TSKU: variants seen among roughly 807,000 people sequenced by gnomAD.
The protein encoded by TSKU is tsukushi.
TSKU carries 4 observed loss-of-function variants against 11.2 expected under a neutral mutation model. The observed-to-expected ratio is 0.36, with a 90% confidence interval of 0.18 to 0.82. TSKU has a LOEUF of 0.82. Ranked by LOEUF, TSKU falls within the 40% of genes least tolerant of loss-of-function variation. The pLI, the probability that TSKU is intolerant of heterozygous loss-of-function variation, is 0.50. For missense variants in TSKU, 407 were observed against 482.5 expected, an observed-to-expected ratio of 0.84 and a Z score of 1.47; for synonymous variants, 220 against 232.2, an observed-to-expected ratio of 0.95 and a Z score of 0.48.
At chr11:76,784,746 T>TC (rs1257420446) in intron 1 of TSKU, among the ~76,000 whole-genome samples, 2 of 41,810 alleles carry the variant, frequency 4.8e-5, no homozygotes, top group East Asian at 3.6e-4. Flanking sequence ...TGACCGGAGG[T>TC]GGGGGGGGGG....
upstream of TSKU, chr11:76,782,378 G>A (rs1433332774): frequency 6.6e-6 from 1 of 151,866 alleles, no homozygotes; most frequent in Non-Finnish European, 1.5e-5. Flanking sequence ...GAGGTCCAGG[G>A]CCCAAGACCA....
chr11:76,787,218 T>TG (rs1229421466), intron 1 of TSKU, among the ~76,000 whole-genome samples: 1 of 152,134 alleles, frequency 6.6e-6, no homozygotes, highest in Non-Finnish European at 1.5e-5. Context: ...ACAAAACCCT[T>TG]GCCCTCTGCC....
At chr11:76,795,518 C>T (rs1393430836) in intron 1 of TSKU, 91 bp from the exon 2 acceptor site, 5 of 1,475,252 alleles carry the variant, frequency 3.4e-6, no homozygotes, top group Non-Finnish European at 4.6e-6. Context: ...TCTGTGACAC[C>T]TTCCAACAGT....
chr11:76,794,650 G>A (rs1456667036), intron 1 of TSKU, among the ~76,000 whole-genome samples: 2 of 152,236 alleles, frequency 1.3e-5, no homozygotes, highest in African/African-American at 4.8e-5. Context: ...AAGAACCAAA[G>A]AGGTGTAGTA....
chr11:76,794,019 C>T (rs1225835097), intron 1 of TSKU, among the ~76,000 whole-genome samples: 1 of 152,122 alleles, frequency 6.6e-6, no homozygotes, highest in Non-Finnish European at 1.5e-5. Flanking sequence ...TCACCTCCTT[C>T]CTGAAGTCCA....
Position 76,783,748 on chromosome 11 carries a change from G to A in TSKU, c.-9+344G>A, listed in dbSNP as rs528772259. On this transcript the variant is annotated intron_variant, in intron 1 of 1. Transcript: ENST00000333090. ...CTTTGTGTGTCCGTGGCTTTGCGCG[G>A]CTGCTTTGCGCCCGTGTCCACGTTT... 1.7e-3 allele frequency among the ~76,000 whole-genome samples: 253 copies of A among 152,330 alleles called. 1 individual carries two copies. The highest frequency in any genetic ancestry group is 5.7e-3 in the African/African-American group (236 of 41,584).
In TSKU at chr11:76,796,595, C is replaced by A; in HGVS notation, c.979C>A (p.Arg327=). 6.6e-7 allele frequency: 1 copy of A among 1,522,006 alleles called. No homozygotes were observed. Among genetic ancestry groups the A allele is most frequent in the African/African-American group, 1.4e-5 (1 of 72,216 alleles). The allele number at this position is 1,522,006 out of a possible 1,614,324, so 94.3% of individuals were successfully genotyped here. A position where few individuals can be genotyped will look rare whatever the true frequency, so the allele number is the denominator to read the frequency against. Residue 327 remains arginine (R), a synonymous_variant, in exon 2 of 2, where the codon CGG becomes AGG. Transcript: ENST00000333090. This position sits in a 1 kb window ranked among gnomAD's most constrained non-coding sequence, Gnocchi z 4.1. The part of the protein sequence containing the change: ...RRLVREGTYP[R]RPGSSPKVAL... ...CCTGGTGCGGGAGGGCACCTACCCC[C>A]GGAGGCCTGGCTCCAGCCCCAAGGT... is the stretch of plus-strand genomic sequence containing the variant.
upstream of TSKU, chr11:76,782,720 ACTTT>A (rs1289988608): frequency 6.6e-6 from 1 of 151,494 alleles, no homozygotes; most frequent in Non-Finnish European, 1.5e-5. Flanking sequence ...CAATCTGTTG[ACTTT>A]CTCTCTCCTC....
intron 1 of TSKU, among the ~76,000 whole-genome samples, chr11:76,790,513 A>G (rs1837679): frequency 0.26 from 39,936 of 151,664 alleles, 5,792 homozygotes; most frequent in African/African-American, 0.37. Context: ...GACTTCTGAT[A>G]TGGTTTGGCT....
chr11:76,794,101 G>T (rs1387189288), intron 1 of TSKU, among the ~76,000 whole-genome samples: 2 of 152,200 alleles, frequency 1.3e-5, no homozygotes, highest in African/African-American at 4.8e-5. Context: ...CTAGAAGGAA[G>T]CTTAGTGCCT....
chr11:76,796,972 T>C lies in TSKU; in HGVS notation c.*294T>C. On this transcript the variant is annotated 3_prime_UTR_variant, in exon 2 of 2. Coordinates refer to ENST00000333090, the MANE Select transcript of TSKU (RefSeq NM_015516.4). This position sits in a 1 kb window ranked among gnomAD's most constrained non-coding sequence, Gnocchi z 4.1. Reference sequence around the variant, plus strand: ...TTCCCCACTTATCCCCCAAGTGCCTTCCCTCATGCCTGGGCCGGCCTGACC... The same window carrying C: ...TTCCCCACTTATCCCCCAAGTGCCTCCCCTCATGCCTGGGCCGGCCTGACC... 3 of 231,212 alleles carry C rather than the reference T, an allele frequency of 1.3e-5. No homozygotes were observed. Among genetic ancestry groups the C allele is most frequent in the Non-Finnish European group, 2.7e-5 (3 of 110,292 alleles). 14.3% of individuals were successfully genotyped at this position (231,212 alleles called of 1,614,324 possible).
intron 1 of TSKU, among the ~76,000 whole-genome samples, chr11:76,794,592 A>G (rs572558766): frequency 6.6e-6 from 1 of 152,172 alleles, no homozygotes; most frequent in Non-Finnish European, 1.5e-5. Flanking sequence ...CTGTTTCTTC[A>G]TCTGTATAAT....
At chr11:76,785,580 T>C (rs1436200078) in intron 1 of TSKU, among the ~76,000 whole-genome samples, 1 of 152,176 alleles carries the variant, frequency 6.6e-6, no homozygotes, top group Admixed American at 6.5e-5. Flanking sequence ...GTGGTCAGCA[T>C]GGTGGACCAG....
At chr11:76,783,709 G>A (rs2134380089) in intron 1 of TSKU, among the ~76,000 whole-genome samples, 1 of 152,328 alleles carries the variant, frequency 6.6e-6, no homozygotes, top group South Asian at 2.1e-4. Flanking sequence ...TCGGGGACGC[G>A]CCGCTGTCGG....
chr11:76,791,826 C>G (rs188807575), intron 1 of TSKU: 1 of 152,344 alleles, frequency 6.6e-6, no homozygotes, highest in Non-Finnish European at 1.5e-5. Flanking sequence ...CACCTGGATG[C>G]CCAGGCAAAA....
Position 76,796,250 on chromosome 11 carries a change from C to G in TSKU, c.634C>G (p.Leu212Val). 1 of 1,613,556 alleles carries G rather than the reference C, an allele frequency of 6.2e-7. No homozygotes were observed. The highest frequency in any genetic ancestry group is 2.2e-5 in the East Asian group (1 of 44,852). Residue 212 changes from leucine (L) to valine (V), a missense_variant, in exon 2 of 2, where the codon CTG (leucine) becomes GTG (valine). By Grantham distance (32) the Leu-to-Val change is conservative. Coordinates refer to ENST00000333090, the MANE Select transcript of TSKU (RefSeq NM_015516.4). The surrounding 1 kb of genome is among the most constrained non-coding windows in gnomAD (Gnocchi z 4.1). ...LRDLPLRYLSLDGNPLAVIGP... is the reference protein window; with the variant it reads ...LRDLPLRYLSVDGNPLAVIGP... ...AGACTTGCCCCTGCGCTACCTGAGCCTGGATGGGAACCCTCTAGCTGTCAT... is the reference window on the plus strand; with the variant it reads ...AGACTTGCCCCTGCGCTACCTGAGCGTGGATGGGAACCCTCTAGCTGTCAT...
At chr11:76,791,182 A>G (rs1381055864) in intron 1 of TSKU, among the ~76,000 whole-genome samples, 2 of 152,254 alleles carry the variant, frequency 1.3e-5, no homozygotes, top group African/African-American at 4.8e-5. Context: ...TAAGCAGGAA[A>G]GCATTCAAGA....
rs765866060 is a variant in TSKU at position 76,796,564 on chromosome 11, C to T, written c.948C>T (p.Cys316=). 8.2e-6 allele frequency: 13 copies of T among 1,583,634 alleles called. No individual in the cohort carries two copies. Among genetic ancestry groups the T allele is most frequent in the East Asian group, 2.3e-5 (1 of 44,034 alleles). Residue 316 remains cysteine, a synonymous_variant, in exon 2 of 2, where the codon TGC becomes TGT. Coordinates refer to ENST00000333090, the MANE Select transcript of TSKU (RefSeq NM_015516.4). The surrounding 1 kb of genome is among the most constrained non-coding windows in gnomAD (Gnocchi z 4.1). The stretch of plus-strand genomic sequence containing the variant: ...TCAGCGTGGGCCAGGATGTGCGGTG[C>T]CGGCGCCTGGTGCGGGAGGGCACCT... ...QSVSVGQDVR[C]RRLVREGTYP...
rs1161587783 is a variant in TSKU, at chr11:76,796,670, A to G, written c.1054A>G (p.Ile352Val). The G allele has an allele frequency of 4.1e-6, 6 of 1,449,118 alleles. No individual in the cohort carries two copies. In the South Asian group the frequency reaches 5.9e-5, roughly 14 times the overall value. 89.8% of individuals were successfully genotyped at this position (1,449,118 alleles called of 1,614,324 possible). A position where few individuals can be genotyped will look rare whatever the true frequency, so the allele number is the denominator to read the frequency against. ...TRDSAARGPT[I>V]L ...GGATTCTGCTGCCAGGGGCCCCACC[A>G]TCTTGTGACAAATGGTGTGGCCCAG... Residue 352 changes from isoleucine to valine, a missense_variant, in exon 2 of 2, where the codon ATC becomes GTC. Coordinates refer to ENST00000333090, the MANE Select transcript of TSKU (RefSeq NM_015516.4). This position sits in a 1 kb window ranked among gnomAD's most constrained non-coding sequence, Gnocchi z 4.1.
Sources: allele counts gnomAD v4.1 joint callset (sites outside exome capture counted in the v4.1 genomes callset), GRCh38; gene constraint gnomAD v4.1.1; non-coding constraint Gnocchi (gnomAD v3.1); transcripts MANE v1.5; gene names NCBI Gene and HGNC (gene_info 2026-07-23, HGNC 2026-07-21).